FAR1: variants seen among roughly 807,000 people sequenced by gnomAD.
The protein encoded by FAR1 is male sterility domain-containing protein 2.
Under a neutral mutation model 61.1 loss-of-function variants are expected in FAR1, and 22 were observed. The ratio of observed to expected loss-of-function variants is 0.36; its 90% CI spans 0.26 to 0.51. The LOEUF (loss-of-function observed/expected upper bound fraction) is 0.51. Ranked by LOEUF, FAR1 falls within the 20% of genes least tolerant of loss-of-function variation. The pLI, the probability that FAR1 is intolerant of heterozygous loss-of-function variation, is 0.95. For synonymous variants in FAR1, 206 were observed against 209.7 expected (o/e 0.98, Z 0.15); for missense variants, 359 against 626.9 (o/e 0.57, Z 4.56).
At chr11:13,704,240 C>G (rs1848410007) in intron 3 of FAR1, among the ~76,000 whole-genome samples, 1 of 151,792 alleles carries the variant, frequency 6.6e-6, no homozygotes, top group South Asian at 2.1e-4. Context: ...AATGTGAGGA[C>G]AAAAACCAGG....
intron 10 of FAR1, among the ~76,000 whole-genome samples, chr11:13,727,191 A>G (rs2134203300): frequency 6.6e-6 from 1 of 152,172 alleles, no homozygotes. Context: ...CTGGAAATGT[A>G]TCAGTACGTG....
chr11:13,672,544 C>CAAAAA (rs34377920), intron 1 of FAR1, among the ~76,000 whole-genome samples: 18 of 111,506 alleles, frequency 1.6e-4, no homozygotes, highest in African/African-American at 5.8e-4. Context: ...GACCCTGTCT[C>CAAAAA]AAAAAAAAAA....
intron 3 of FAR1, among the ~76,000 whole-genome samples, chr11:13,701,583 G>T (rs573810220): frequency 1.3e-5 from 2 of 152,072 alleles, no homozygotes; most frequent in African/African-American, 2.4e-5. Context: ...ATTACAAAAG[G>T]TTTGATATTA....
chr11:13,716,951 C>G (rs974323020), intron 9 of FAR1, among the ~76,000 whole-genome samples: 1 of 121,918 alleles, frequency 8.2e-6, no homozygotes, highest in African/African-American at 3.1e-5. Context: ...CTCCCCCCAC[C>G]CCACGACAGG....
At chr11:13,683,117 G>C (rs1848146556) in intron 1 of FAR1, among the ~76,000 whole-genome samples, 2 of 152,180 alleles carry the variant, frequency 1.3e-5, no homozygotes, top group Non-Finnish European at 2.9e-5. Flanking sequence ...TGACAGCTGG[G>C]AGTGGTGGCT....
Position 13,729,797 on chromosome 11 carries a change from A to G in FAR1, c.*1023A>G, listed in dbSNP as rs1281413431. 2.0e-5 allele frequency: 3 copies of G among 152,160 alleles called. No homozygotes were observed. Among genetic ancestry groups the G allele is most frequent in the East Asian group, 1.9e-4 (1 of 5,202 alleles). 9.4% of individuals were successfully genotyped at this position (152,160 alleles called of 1,614,324 possible). Reference sequence around the variant, plus strand: ...TTAAAAAATATACTCGTGTGTAAACACATACTAATTTTGACCTTGAAAGAT... The same window carrying G: ...TTAAAAAATATACTCGTGTGTAAACGCATACTAATTTTGACCTTGAAAGAT... On this transcript the variant is annotated 3_prime_UTR_variant, in exon 12 of 12. Transcript: ENST00000354817.
chr11:13,677,647 G>A (rs574753287), intron 1 of FAR1, among the ~76,000 whole-genome samples: 1 of 152,316 alleles, frequency 6.6e-6, no homozygotes, highest in African/African-American at 2.4e-5. Flanking sequence ...AGACTTGCCC[G>A]TACATTAGCG....
At chr11:13,719,538 G>A (rs138579977) in intron 9 of FAR1, among the ~76,000 whole-genome samples, 2 of 152,230 alleles carry the variant, frequency 1.3e-5, no homozygotes, top group Non-Finnish European at 2.9e-5. Flanking sequence ...CTGAATGTGA[G>A]CTAGATAAGC....
chr11:13,685,432 T>G (rs1255531347), intron 1 of FAR1: 5 of 208,998 alleles, frequency 2.4e-5, no homozygotes, highest in Admixed American at 2.1e-4. Flanking sequence ...CATTTTCAGC[T>G]TGATATGGTA....
At position 13,730,565 on chromosome 11, in the gene FAR1, T is replaced by G. The variant is rs1163206398; in HGVS notation, c.*1791T>G. ...GGCCCACATAATATACATTGAGTAC[T>G]CCATCTCTCCAAATGTATTTCCATA... is the stretch of plus-strand genomic sequence containing the variant. On this transcript the variant is annotated 3_prime_UTR_variant, in exon 12 of 12. Transcript: ENST00000354817. 6.6e-6 allele frequency: 1 copy of G among 152,056 alleles called. No individual in the cohort carries two copies. Among genetic ancestry groups the G allele is most frequent in the Non-Finnish European group, 1.5e-5 (1 of 67,954 alleles). 9.4% of individuals were successfully genotyped at this position (152,056 alleles called of 1,614,324 possible).
Position 13,694,886 on chromosome 11 carries a change from T to C in FAR1, c.121T>C (p.Tyr41His). The change falls in exon 2 of 12, where the codon TAT becomes CAT. Residue 41 changes from tyrosine (Y) to histidine (H), a missense_variant. By Grantham distance (83) the Tyr-to-His change is moderately conservative. This residue lies in a region of FAR1 where 344 missense variants were observed against 570.3 expected (regional missense o/e 0.60). Coordinates refer to ENST00000354817, the MANE Select transcript of FAR1 (RefSeq NM_032228.6). ...LRSCPKVNSV[Y>H]VLVRQKAGQT... Reference sequence around the variant, plus strand: ...GTCTTGTCCTAAGGTGAATTCAGTATATGTTTTGGTGAGGCAGAAAGCTGG... The same window carrying C: ...GTCTTGTCCTAAGGTGAATTCAGTACATGTTTTGGTGAGGCAGAAAGCTGG... The C allele has an allele frequency of 6.2e-7, 1 of 1,614,050 alleles. No individual in the cohort carries two copies. Among genetic ancestry groups the C allele is most frequent in the Non-Finnish European group, 8.5e-7 (1 of 1,179,940 alleles).
rs1250878162 is a variant in FAR1 at position 13,698,796 on chromosome 11, A to G, written c.190-1521A>G. 2.0e-5 allele frequency among the ~76,000 whole-genome samples: 3 copies of G among 151,172 alleles called. No individual in the cohort carries two copies. In the East Asian group the frequency reaches 5.8e-4, roughly 29 times the overall value. On this transcript the variant is annotated intron_variant, in intron 2 of 11. Coordinates refer to ENST00000354817, the MANE Select transcript of FAR1 (RefSeq NM_032228.6). ...CAGTGAGCCGAGATCGCACCACTGC[A>G]CTCCAGCCTGGGCAACAGAGCAAGA...
In FAR1 at chr11:13,700,393, C is replaced by G. The variant is rs2134184029; in HGVS notation, c.266C>G (p.Pro89Arg). ...IIAINSELTQ[P>R]KLALSEEDKE... ...GCAATCAACAGCGAACTCACCCAAC[C>G]TAAACTGGCTCTCAGTGAAGAAGAT... is the stretch of plus-strand genomic sequence containing the variant. Residue 89 changes from proline to arginine, a missense_variant, in exon 3 of 12, where the codon CCT becomes CGT. By Grantham distance (103) the Pro-to-Arg change is moderately radical. Around this residue, in one of 2 missense-constraint regions of FAR1, gnomAD observed 344 missense variants for 570.3 expected, o/e 0.60. Coordinates refer to ENST00000354817, the MANE Select transcript of FAR1 (RefSeq NM_032228.6). 1 of 1,603,228 alleles carries G rather than the reference C, an allele frequency of 6.2e-7. No homozygotes were observed. The highest frequency in any genetic ancestry group is 1.3e-5 in the African/African-American group (1 of 74,262).
At chr11:13,708,118 C>G in intron 4 of FAR1, 39 bp downstream of exon 4, 1 of 1,417,052 alleles carries the variant, frequency 7.1e-7, no homozygotes, top group South Asian at 1.5e-5. Context: ...TACTTTGATC[C>G]CAAAAGAGGC....
At chr11:13,711,706 A>C in intron 5 of FAR1, 58 bp from the exon 6 acceptor site, 1 of 1,288,604 alleles carries the variant, frequency 7.8e-7, no homozygotes, top group South Asian at 1.3e-5. Flanking sequence ...TCAAATAATA[A>C]ATCTCTAGCT....
Position 13,721,901 on chromosome 11 carries a change from A to G in FAR1, c.1257+42A>G. 1 of 1,516,718 alleles carries G rather than the reference A, an allele frequency of 6.6e-7. No individual in the cohort carries two copies. The highest frequency in any genetic ancestry group is 1.2e-5 in the South Asian group (1 of 81,754). 94.0% of individuals were successfully genotyped at this position (1,516,718 alleles called of 1,614,324 possible). A position where few individuals can be genotyped will look rare whatever the true frequency, so the allele number is the denominator to read the frequency against. On this transcript the variant is annotated intron_variant, in intron 10 of 11. Transcript: ENST00000354817. The surrounding 1 kb of genome is among the most constrained non-coding windows in gnomAD (Gnocchi z 4.2). The stretch of plus-strand genomic sequence containing the variant: ...TGTTTTATATTAGAAAATAAGTAGC[A>G]TACTAATTACAGAACTATTAGCAAC...
chr11:13,677,355 C>A (rs1005811442), intron 1 of FAR1, among the ~76,000 whole-genome samples: 6 of 152,110 alleles, frequency 3.9e-5, no homozygotes, highest in African/African-American at 1.4e-4. Context: ...TTTTTTATAC[C>A]TTTCTAGGAT....
rs1001884011 is a variant in FAR1 at position 13,728,551 on chromosome 11, C to T, written c.1386-61C>T. ...TAAAAACTCAGTATTAATTAGCTGC[C>T]ATCTAACAATATTTTTTTCTAGAAA... On this transcript the variant is annotated intron_variant, in intron 11 of 11. Transcript: ENST00000354817. The T allele has an allele frequency of 7.7e-6, 11 of 1,433,310 alleles. No homozygotes were observed. In the South Asian group the frequency reaches 9.9e-5, roughly 13 times the overall value. The allele number at this position is 1,433,310 out of a possible 1,614,324, so 88.8% of individuals were successfully genotyped here. A position where few individuals can be genotyped will look rare whatever the true frequency, so the allele number is the denominator to read the frequency against.
rs1848704780 is a variant in FAR1, at chr11:13,729,822, T to C, written c.*1048T>C. 2 of 152,254 alleles carry C rather than the reference T, an allele frequency of 1.3e-5. No individual in the cohort carries two copies. The highest frequency in any genetic ancestry group is 2.9e-5 in the Non-Finnish European group (2 of 67,900). The allele number at this position is 152,254 out of a possible 1,614,324, so 9.4% of individuals were successfully genotyped here. ...ACATACTAATTTTGACCTTGAAAGA[T>C]GAATTCCTTCAAGAAAAATAAAATA... On this transcript the variant is annotated 3_prime_UTR_variant, in exon 12 of 12. Coordinates refer to ENST00000354817, the MANE Select transcript of FAR1 (RefSeq NM_032228.6).
Sources: gnomAD v4.1 joint callset for allele counts (sites outside exome capture counted in the v4.1 genomes callset) on GRCh38, gnomAD v4.1.1 for gene constraint, gnomAD v4.1.1 regional missense constraint, Gnocchi (gnomAD v3.1) non-coding constraint, MANE v1.5 for transcripts, NCBI Gene and HGNC (gene_info 2026-07-23, HGNC 2026-07-21) for gene names.